The following RAB3IP variants were observed in gnomAD, a reference collection of about 807,000 sequenced individuals.
RAB3IP encodes the protein RAB3A interacting protein.
A neutral mutation model predicts 59.1 loss-of-function variants in RAB3IP; 36 were observed. The observed-to-expected ratio is 0.61, with a 90% CI of 0.47 to 0.80. The LOEUF (loss-of-function observed/expected upper bound fraction) is 0.80. RAB3IP is among the 30% of genes least tolerant of loss of function. The pLI is 0.00. For missense variants in RAB3IP, 511 were observed against 536.0 expected (o/e 0.95, Z 0.46); for synonymous variants, 207 against 191.2 (o/e 1.08, Z -0.68).
In RAB3IP at chr12:69,794,661, C is replaced by T. The variant is rs532951568; in HGVS notation, c.684+147C>T. 37 of 599,732 alleles carry T rather than the reference C, an allele frequency of 6.2e-5. No individual in the cohort carries two copies. In the African/African-American group the frequency reaches 6.9e-4, roughly 11 times the overall value. The allele number at this position is 599,732 out of a possible 1,614,324, so 37.2% of individuals were successfully genotyped here. A position where few individuals can be genotyped will look rare whatever the true frequency, so the allele number is the denominator to read the frequency against. On this transcript the variant is annotated intron_variant, in intron 5 of 10. Transcript: ENST00000247833. The stretch of plus-strand genomic sequence containing the variant: ...ACAGAAAAATAGAAGAAAATAGCTA[C>T]TATGTAGGTATAATTAATAGTAAAC...
chr12:69,811,473 C>G (rs1880451140), intron 8 of RAB3IP, among the ~76,000 whole-genome samples: 1 of 152,192 alleles, frequency 6.6e-6, no homozygotes, highest in Admixed American at 6.5e-5. Context: ...CAAAATTAGG[C>G]TAAACAGTAG....
At chr12:69,811,760 C>T (rs942399672) in intron 8 of RAB3IP, among the ~76,000 whole-genome samples, 3 of 152,014 alleles carry the variant, frequency 2.0e-5, no homozygotes, top group Non-Finnish European at 4.4e-5. Context: ...TTGAATTGCC[C>T]CCTCCTCAAA....
intron 8 of RAB3IP, among the ~76,000 whole-genome samples, chr12:69,809,863 A>C (rs1230524109): frequency 1.3e-5 from 2 of 151,952 alleles, no homozygotes; most frequent in African/African-American, 4.8e-5. Flanking sequence ...TTTAGCTCAG[A>C]GAGTTTGATC....
At chr12:69,788,718 C>G (rs571808316) in intron 4 of RAB3IP, among the ~76,000 whole-genome samples, 7 of 152,060 alleles carry the variant, frequency 4.6e-5, no homozygotes, top group Non-Finnish European at 8.8e-5. Context: ...CTAACAGATA[C>G]GTATGGAACT....
intron 8 of RAB3IP, among the ~76,000 whole-genome samples, chr12:69,805,132 T>G (rs372993758): frequency 4.0e-4 from 61 of 152,290 alleles, no homozygotes; most frequent in East Asian, 2.7e-3. Context: ...CCATGAGCAT[T>G]GAATGTTCTT....
intron 3 of RAB3IP, among the ~76,000 whole-genome samples, chr12:69,766,874 T>G (rs1413698759): frequency 1.3e-5 from 2 of 152,244 alleles, no homozygotes; most frequent in Non-Finnish European, 2.9e-5. Flanking sequence ...TTTTATTTCC[T>G]GGATTGCTTT....
intron 1 of RAB3IP, among the ~76,000 whole-genome samples, chr12:69,754,788 A>G (rs1869926799): frequency 6.6e-6 from 1 of 152,086 alleles, no homozygotes. Flanking sequence ...TCACAGCATA[A>G]TATAATTGTT....
intron 3 of RAB3IP, among the ~76,000 whole-genome samples, chr12:69,760,381 CGAGGGAGACCGTGGGGAGAGGGA>C (rs1871122091): frequency 6.6e-6 from 1 of 151,588 alleles, no homozygotes; most frequent in Non-Finnish European, 1.5e-5. Context: ...AAAGAGAGGG[CGAGGGAGACCGTGGGGAGAGGGA>C]GAGGGAGACT....
intron 3 of RAB3IP, among the ~76,000 whole-genome samples, chr12:69,762,781 A>AG (rs1425659756): frequency 7.0e-6 from 1 of 142,634 alleles, no homozygotes; most frequent in South Asian, 2.2e-4. Flanking sequence ...AAAAAAAAAG[A>AG]AAAAAGAGAA....
chr12:69,748,131 A>T (rs1723804467), intron 1 of RAB3IP, among the ~76,000 whole-genome samples: 1 of 151,764 alleles, frequency 6.6e-6, no homozygotes, highest in South Asian at 2.1e-4. Context: ...GGTAAGTCCA[A>T]ATTAGGGGAA....
At position 69,815,992 on chromosome 12, in the gene RAB3IP, C is replaced by G. The variant is rs150180390; in HGVS notation, c.*546C>G. On this transcript the variant is annotated 3_prime_UTR_variant, in exon 11 of 11. Coordinates refer to ENST00000247833, the MANE Select transcript of RAB3IP (RefSeq NM_022456.5). ...GAAAGTTACTATTTTAATTATTCTG[C>G]TCTCTGTAACTGAAAGAATCCCTTT... 4.6e-5 allele frequency: 7 copies of G among 152,716 alleles called. No homozygotes were observed. Among genetic ancestry groups the G allele is most frequent in the African/African-American group, 1.2e-4 (5 of 41,574 alleles). The allele number at this position is 152,716 out of a possible 1,614,324, so 9.5% of individuals were successfully genotyped here.
intron 4 of RAB3IP, among the ~76,000 whole-genome samples, chr12:69,793,168 T>C (rs1876905080): frequency 6.6e-6 from 1 of 152,106 alleles, no homozygotes; most frequent in Non-Finnish European, 1.5e-5. Flanking sequence ...TTAAGGACTT[T>C]GCCAAGATAG....
chr12:69,764,978 G>A (rs528659963), intron 3 of RAB3IP, among the ~76,000 whole-genome samples: 4 of 152,186 alleles, frequency 2.6e-5, no homozygotes, highest in African/African-American at 9.6e-5. Context: ...GCTGAATTTT[G>A]TACATTGACT....
upstream of RAB3IP, chr12:69,738,582 CAGAGCGCGGGCCCGACG>C (rs1443973211): frequency 1.2e-5 from 1 of 81,560 alleles, no homozygotes; most frequent in Non-Finnish European, 3.4e-5. Context: ...CCCGGCGAAA[CAGAGCGCGGGCCCGACG>C]AAACAGAGCG....
chr12:69,806,514 C>T (rs1387863445), intron 8 of RAB3IP, among the ~76,000 whole-genome samples: 4 of 141,820 alleles, frequency 2.8e-5, no homozygotes, highest in South Asian at 4.6e-4. Flanking sequence ...CTGCTCTGAT[C>T]TTAGTTATTT....
chr12:69,818,753 T>C lies in RAB3IP; in HGVS notation c.*3307T>C, dbSNP rs536594146. The stretch of plus-strand genomic sequence containing the variant: ...GAACAACTAAAACTGAACAGCTGTT[T>C]AGGCATTGACATATGTGACAAAACT... On this transcript the variant is annotated 3_prime_UTR_variant, in exon 11 of 11. Coordinates refer to ENST00000247833, the MANE Select transcript of RAB3IP (RefSeq NM_022456.5). The C allele has an allele frequency of 6.6e-6, 1 of 152,340 alleles. No homozygotes were observed. Among genetic ancestry groups the C allele is most frequent in the African/African-American group, 2.4e-5 (1 of 41,572 alleles). 9.4% of individuals were successfully genotyped at this position (152,340 alleles called of 1,614,324 possible).
intron 1 of RAB3IP, among the ~76,000 whole-genome samples, chr12:69,746,987 T>C (rs1868413989): frequency 6.6e-6 from 1 of 152,232 alleles, no homozygotes; most frequent in Admixed American, 6.5e-5. Context: ...ATTTCTATTA[T>C]TGTGATAATA....
chr12:69,791,976 CA>C (rs1876700815), intron 4 of RAB3IP, among the ~76,000 whole-genome samples: 1 of 152,134 alleles, frequency 6.6e-6, no homozygotes, highest in African/African-American at 2.4e-5. Flanking sequence ...GAATACTACT[CA>C]GTCTTAAAAT....
intron 1 of RAB3IP, among the ~76,000 whole-genome samples, chr12:69,752,216 C>G (rs1022177893): frequency 2.6e-5 from 4 of 151,440 alleles, no homozygotes; most frequent in Non-Finnish European, 5.9e-5. Context: ...GTTGCCCAGG[C>G]TAGTCTTTTA....
Sources: allele counts gnomAD v4.1 joint callset (sites outside exome capture counted in the v4.1 genomes callset), GRCh38; gene constraint gnomAD v4.1.1; transcripts MANE v1.5; gene names NCBI Gene and HGNC (gene_info 2026-07-23, HGNC 2026-07-21).